The following ZNF385D variants were observed in gnomAD, a reference collection of about 807,000 sequenced individuals.
ZNF385D encodes zinc finger protein 659.
In ZNF385D, 15 loss-of-function variants were observed where a neutral mutation model predicts 35.8. The ratio of observed to expected loss-of-function variants is 0.42; its 90% CI spans 0.28 to 0.64. The LOEUF is 0.64. Among genes scored for constraint, ZNF385D ranks in the 30% least tolerant of loss-of-function variants. The probability of loss-of-function intolerance (pLI) is 0.23; values close to 1 mark genes in which losing one functional copy is unlikely to be tolerated. For synonymous variants in ZNF385D, 212 were observed against 186.8 expected, an observed-to-expected ratio of 1.13 and a Z score of -1.10; for missense variants, 474 against 494.6, an observed-to-expected ratio of 0.96 and a Z score of 0.39.
At chr3:22,092,276 T>G (rs1701373292) in intron 3 of ZNF385D, among the ~76,000 whole-genome samples, 1 of 152,142 alleles carries the variant, frequency 6.6e-6, no homozygotes, top group South Asian at 2.1e-4. Context: ...AGGGGGAAAT[T>G]GAAGGATGAA....
At chr3:21,972,382 G>A (rs1211686708) in intron 3 of ZNF385D, among the ~76,000 whole-genome samples, 2 of 151,800 alleles carry the variant, frequency 1.3e-5, no homozygotes, top group Admixed American at 6.6e-5. Context: ...AGTTCTTGAA[G>A]CAAATAAAAA....
intron 3 of ZNF385D, chr3:21,978,331 G>T (rs1245562935): frequency 6.6e-6 from 1 of 152,190 alleles, no homozygotes; most frequent in South Asian, 2.1e-4. Flanking sequence ...TCTGTTACTG[G>T]TATGATCTAA....
At chr3:22,316,677 A>G (rs1256290071) in intron 2 of ZNF385D, among the ~76,000 whole-genome samples, 1 of 152,180 alleles carries the variant, frequency 6.6e-6, no homozygotes, top group African/African-American at 2.4e-5. Context: ...TCATCTATTA[A>G]TGGGATTAAT....
intron 2 of ZNF385D, among the ~76,000 whole-genome samples, chr3:22,276,745 C>G (rs183780944): frequency 6.6e-6 from 1 of 152,222 alleles, no homozygotes; most frequent in East Asian, 1.9e-4. Flanking sequence ...AAAGTACTGG[C>G]CTTTGCTGCT....
intron 2 of ZNF385D, among the ~76,000 whole-genome samples, chr3:22,296,481 A>C (rs1702585323): frequency 6.6e-6 from 1 of 152,132 alleles, no homozygotes; most frequent in Non-Finnish European, 1.5e-5. Flanking sequence ...ATGCCTATGA[A>C]AGATAAAAGA....
intron 3 of ZNF385D, among the ~76,000 whole-genome samples, chr3:21,938,447 C>CA (rs1233534050): frequency 5.3e-5 from 8 of 152,198 alleles, no homozygotes; most frequent in Admixed American, 3.3e-4. Context: ...TGTTTCTAGG[C>CA]AATTATTGGC....
rs867864070 is a variant in ZNF385D, at chr3:21,646,294, T to C, written c.165+18592A>G. Reference sequence around the variant, plus strand: ...TCATACTTATGGACCTGCTTATTTGTGATTGCGCTTATTACTGTATGTACA... The same window carrying C: ...TCATACTTATGGACCTGCTTATTTGCGATTGCGCTTATTACTGTATGTACA... On this transcript the variant is annotated intron_variant, in intron 2 of 7. Transcript: ENST00000281523. This position sits in a 1 kb window ranked among gnomAD's most constrained non-coding sequence, Gnocchi z 4.3. Among the ~76,000 whole-genome samples the C allele has an allele frequency of 7.9e-5, 12 of 152,152 alleles. No individual in the cohort carries two copies. Among genetic ancestry groups the C allele is most frequent in the South Asian group, 4.1e-4 (2 of 4,834 alleles).
At chr3:21,844,505 A>T (rs1040276149) in intron 3 of ZNF385D, among the ~76,000 whole-genome samples, 1 of 151,954 alleles carries the variant, frequency 6.6e-6, no homozygotes, top group African/African-American at 2.4e-5. Context: ...CAAGTGGAGG[A>T]TAACATTCTC....
At chr3:22,011,430 T>C (rs988141378) in intron 3 of ZNF385D, among the ~76,000 whole-genome samples, 1 of 152,138 alleles carries the variant, frequency 6.6e-6, no homozygotes, top group Non-Finnish European at 1.5e-5. Flanking sequence ...TATTCATTTC[T>C]TCACACTGAT....
chr3:21,909,488 C>A (rs1699855640), intron 3 of ZNF385D, among the ~76,000 whole-genome samples: 1 of 152,006 alleles, frequency 6.6e-6, no homozygotes, highest in Non-Finnish European at 1.5e-5. Flanking sequence ...GTAACAAAAT[C>A]TTTGTAACAA....
chr3:21,720,951 G>A (rs1266638311), intron 1 of ZNF385D, among the ~76,000 whole-genome samples: 2 of 152,184 alleles, frequency 1.3e-5, no homozygotes, highest in African/African-American at 4.8e-5. Context: ...TGATAATGGA[G>A]CAGGGAGATA....
intron 3 of ZNF385D, among the ~76,000 whole-genome samples, chr3:21,974,943 A>T (rs1465050339): frequency 6.6e-6 from 1 of 152,180 alleles, no homozygotes; most frequent in African/African-American, 2.4e-5. Context: ...AAGAGGAAAA[A>T]CGGGAACCCT....
chr3:21,785,548 A>T (rs1349888660), intron 3 of ZNF385D, among the ~76,000 whole-genome samples: 1 of 151,980 alleles, frequency 6.6e-6, no homozygotes, highest in Non-Finnish European at 1.5e-5. Context: ...TTTAACCATC[A>T]CTCACCTTCC....
At chr3:22,117,137 C>G (rs1279171475) in intron 3 of ZNF385D, among the ~76,000 whole-genome samples, 1 of 151,930 alleles carries the variant, frequency 6.6e-6, no homozygotes, top group Non-Finnish European at 1.5e-5. Flanking sequence ...GTCATGGTAT[C>G]TAAAACATAC....
intron 3 of ZNF385D, among the ~76,000 whole-genome samples, chr3:21,831,386 CT>C (rs1190209919): frequency 1.3e-5 from 2 of 152,084 alleles, no homozygotes. Flanking sequence ...AGTATTATTT[CT>C]TTTCTATTTG....
At chr3:22,251,696 C>T (rs1255987593) in intron 2 of ZNF385D, among the ~76,000 whole-genome samples, 1 of 152,054 alleles carries the variant, frequency 6.6e-6, no homozygotes. Flanking sequence ...TAAATGGGGG[C>T]AGGTAAAATC....
intron 3 of ZNF385D, among the ~76,000 whole-genome samples, chr3:21,784,185 AAG>A (rs1364437178): frequency 6.6e-6 from 1 of 152,168 alleles, no homozygotes; most frequent in Non-Finnish European, 1.5e-5. Context: ...CCAGCCTATA[AAG>A]CAGGAGAATG....
intron 4 of ZNF385D, among the ~76,000 whole-genome samples, chr3:21,474,070 C>T (rs1230650288): frequency 6.6e-6 from 1 of 151,876 alleles, no homozygotes; most frequent in Admixed American, 6.6e-5. Flanking sequence ...TTGTGAGGCA[C>T]TTACTGAGCA....
At chr3:21,676,466 G>T (rs917799798) in intron 1 of ZNF385D, among the ~76,000 whole-genome samples, 6 of 152,032 alleles carry the variant, frequency 3.9e-5, no homozygotes, top group Non-Finnish European at 8.8e-5. Context: ...TGGAATTGTA[G>T]TAATTGTGGA....
Sources: gnomAD v4.1 joint callset for allele counts (sites outside exome capture counted in the v4.1 genomes callset) on GRCh38, gnomAD v4.1.1 for gene constraint, Gnocchi (gnomAD v3.1) non-coding constraint, MANE v1.5 for transcripts, NCBI Gene and HGNC (gene_info 2026-07-23, HGNC 2026-07-21) for gene names.